Variants in ABCA13 observed in about 807,000 individuals in gnomAD.
The protein encoded by ABCA13 is ATP-binding cassette sub-family A member 13.
In ABCA13, 476 loss-of-function variants were observed where a neutral mutation model predicts 478.7. The ratio of observed to expected loss-of-function variants is 0.99; its 90% CI spans 0.92 to 1.07. The LOEUF is 1.07. ABCA13 is among the 50% of genes least tolerant of loss of function. ABCA13 has a pLI of 0.00. For synonymous variants in ABCA13, 2,252 were observed against 2,158.9 expected, an observed-to-expected ratio of 1.04 and a Z score of -1.20; for missense variants, 6,060 against 5,910.6, an observed-to-expected ratio of 1.03 and a Z score of -0.83.
chr7:48,613,529 G>A lies in ABCA13; in HGVS notation c.14745-1756G>A, dbSNP rs113537964. 8.4e-3 allele frequency among the ~76,000 whole-genome samples: 1,200 copies of A among 142,508 alleles called. 28 individuals carry two copies. The highest frequency in any genetic ancestry group is 0.028 in the African/African-American group (1,130 of 40,774). 93.5% of individuals were successfully genotyped at this position (142,508 alleles called of 152,430 possible). A position where few individuals can be genotyped will look rare whatever the true frequency, so the allele number is the denominator to read the frequency against. ...CTAGTTTGCTGTGTTAAGACACAAC[G>A]ACTACAAATCCCTTAATAGCTTCTT... On this transcript the variant is annotated intron_variant, in intron 58 of 61. Coordinates refer to ENST00000435803, the MANE Select transcript of ABCA13 (RefSeq NM_152701.5).
chr7:48,402,508 A>C (rs1278727817), intron 38 of ABCA13, among the ~76,000 whole-genome samples: 1 of 152,214 alleles, frequency 6.6e-6, no homozygotes, highest in Non-Finnish European at 1.5e-5. Flanking sequence ...AATTATTACT[A>C]TAAATTTAGG....
chr7:48,250,848 C>T (rs1792444976), intron 15 of ABCA13, among the ~76,000 whole-genome samples: 1 of 152,132 alleles, frequency 6.6e-6, no homozygotes. Context: ...GGTTTTCCAG[C>T]ATGCCATGAC....
At chr7:48,446,740 C>A (rs182295245) in intron 42 of ABCA13, among the ~76,000 whole-genome samples, 120 of 152,278 alleles carry the variant, frequency 7.9e-4, no homozygotes, top group African/African-American at 2.5e-3. Context: ...AGAGTGCTGT[C>A]TTTTCTTCTT....
intron 3 of ABCA13, among the ~76,000 whole-genome samples, chr7:48,211,288 G>A (rs917726603): frequency 8.5e-5 from 13 of 152,200 alleles, no homozygotes; most frequent in African/African-American, 2.9e-4. Flanking sequence ...GGGAATAAAT[G>A]TTGTGACCTA....
chr7:48,486,177 G>C (rs1200509108), intron 47 of ABCA13, among the ~76,000 whole-genome samples: 2 of 152,158 alleles, frequency 1.3e-5, no homozygotes, highest in African/African-American at 2.4e-5. Context: ...GGGAATGCCA[G>C]AATACTAGAG....
At chr7:48,352,587 C>T (rs1297363443) in intron 31 of ABCA13, 100 bp downstream of exon 31, 1 of 1,366,484 alleles carries the variant, frequency 7.3e-7, no homozygotes, top group African/African-American at 1.5e-5. Context: ...TTTCAAAAAG[C>T]ACTGTTAAAA....
chr7:48,356,011 C>T lies in ABCA13; in HGVS notation c.10688+3524C>T, dbSNP rs532122216. Among the ~76,000 whole-genome samples, 25 of 151,790 alleles carry T rather than the reference C, an allele frequency of 1.6e-4. No individual in the cohort carries two copies. The East Asian group carries it at 4.4e-3, about 27-fold the overall frequency. Reference sequence around the variant, plus strand: ...GTATAGATAGAAAAATAGAGAGGGCCGAGACCAAATGTGGGGCCCCTCCCA... The same window carrying T: ...GTATAGATAGAAAAATAGAGAGGGCTGAGACCAAATGTGGGGCCCCTCCCA... On this transcript the variant is annotated intron_variant, in intron 31 of 61. Coordinates refer to ENST00000435803, the MANE Select transcript of ABCA13 (RefSeq NM_152701.5).
chr7:48,314,400 G>A lies in ABCA13; in HGVS notation c.9850G>A (p.Glu3284Lys). ...TGACAAAGAAAAATTCAACATTCCT[G>A]AAGATTCAAGTAAGACAGTAGTAAT... is the stretch of plus-strand genomic sequence containing the variant. ...EDDKEKFNIP[E>K]DSTPFCLKLY... Residue 3284 changes from glutamate to lysine, a missense_variant, in exon 26 of 62, where the codon GAA becomes AAA. By Grantham distance (56) the Glu-to-Lys change is moderately conservative. This residue lies in a region of ABCA13 where 4,423 missense variants were observed against 4,309.1 expected (regional missense o/e 1.03). Coordinates refer to ENST00000435803, the MANE Select transcript of ABCA13 (RefSeq NM_152701.5). The A allele has an allele frequency of 1.9e-6, 3 of 1,587,068 alleles. No homozygotes were observed. The highest frequency in any genetic ancestry group is 2.6e-6 in the Non-Finnish European group (3 of 1,165,586).
intron 48 of ABCA13, among the ~76,000 whole-genome samples, chr7:48,490,455 C>T (rs6972440): frequency 0.14 from 20,890 of 152,136 alleles, 1,837 homozygotes; most frequent in African/African-American, 0.23. Flanking sequence ...GGGGCCATGA[C>T]TGGATTCTAG....
intron 55 of ABCA13, among the ~76,000 whole-genome samples, chr7:48,575,546 A>G (rs995993515): frequency 1.1e-4 from 17 of 152,332 alleles, no homozygotes; most frequent in Non-Finnish European, 1.6e-4. Flanking sequence ...GCTGCCAGTG[A>G]TAAACTTGAG....
chr7:48,275,687 A>G lies in ABCA13; in HGVS notation c.6021A>G (p.Gln2007=), dbSNP rs1348001935. ...CCTCAAATTTGGAAAGGACAGTACA[A>G]TTGATTTCTGAAGACTGGAGCCTAG... is the stretch of plus-strand genomic sequence containing the variant. The part of the protein sequence containing the change: ...IISSNLERTV[Q]LISEDWSLEK... The change falls in exon 17 of 62, where the codon CAA becomes CAG. Residue 2007 remains glutamine (Q), a synonymous_variant. Coordinates refer to ENST00000435803, the MANE Select transcript of ABCA13 (RefSeq NM_152701.5). 2 of 1,599,260 alleles carry G rather than the reference A, an allele frequency of 1.3e-6. No homozygotes were observed. Among genetic ancestry groups the G allele is most frequent in the Admixed American group, 3.5e-5 (2 of 57,340 alleles).
chr7:48,342,847 A>T (rs1377581258), intron 29 of ABCA13, among the ~76,000 whole-genome samples: 1 of 152,126 alleles, frequency 6.6e-6, no homozygotes, highest in Non-Finnish European at 1.5e-5. Flanking sequence ...AGCTGGGTCT[A>T]ATCTGCTATT....
intron 35 of ABCA13, among the ~76,000 whole-genome samples, chr7:48,382,943 G>A (rs1814626237): frequency 6.6e-6 from 1 of 152,100 alleles, no homozygotes; most frequent in African/African-American, 2.4e-5. Flanking sequence ...CAAGGGATAT[G>A]ATGTTCCAGA....
At chr7:48,555,311 T>A (rs572153724) in intron 55 of ABCA13, among the ~76,000 whole-genome samples, 1 of 151,978 alleles carries the variant, frequency 6.6e-6, no homozygotes, top group Admixed American at 6.6e-5. Context: ...TGATATATTG[T>A]CTGATGTGGG....
chr7:48,399,594 T>C (rs947617902), intron 38 of ABCA13, among the ~76,000 whole-genome samples: 1 of 152,166 alleles, frequency 6.6e-6, no homozygotes, highest in Admixed American at 6.5e-5. Flanking sequence ...AACTTGGTTG[T>C]GAGTAAATGG....
intron 42 of ABCA13, among the ~76,000 whole-genome samples, chr7:48,431,471 T>C (rs1162013670): frequency 3.3e-5 from 5 of 152,214 alleles, no homozygotes; most frequent in Admixed American, 3.3e-4. Flanking sequence ...TGTTCATCTG[T>C]TGTGATAGGT....
intron 55 of ABCA13, 111 bp downstream of exon 55, chr7:48,528,456 C>T: frequency 1.4e-6 from 1 of 720,500 alleles, no homozygotes; most frequent in Non-Finnish European, 2.1e-6. Flanking sequence ...TCATTTTCCT[C>T]CAAATTTACC....
chr7:48,294,770 A>G (rs1308209978), intron 20 of ABCA13, among the ~76,000 whole-genome samples: 1 of 152,164 alleles, frequency 6.6e-6, no homozygotes, highest in East Asian at 1.9e-4. Flanking sequence ...TGACTTTTAA[A>G]AAGTTTGACT....
In ABCA13 at chr7:48,346,730, T is replaced by C. The variant is rs1486479612; in HGVS notation, c.10205-3913T>C. Reference sequence around the variant, plus strand: ...TTACTTTTCACAGCAATTTCATGGGTAATTTTGCTTTTCTTATGCTACAGA... The same window carrying C: ...TTACTTTTCACAGCAATTTCATGGGCAATTTTGCTTTTCTTATGCTACAGA... On this transcript the variant is annotated intron_variant, in intron 29 of 61. Coordinates refer to ENST00000435803, the MANE Select transcript of ABCA13 (RefSeq NM_152701.5). Among the ~76,000 whole-genome samples, 3 of 152,346 alleles carry C rather than the reference T, an allele frequency of 2.0e-5. No individual in the cohort carries two copies. In the East Asian group the frequency reaches 5.8e-4, roughly 29 times the overall value.
Sources: gnomAD v4.1 joint callset for allele counts (sites outside exome capture counted in the v4.1 genomes callset) on GRCh38, gnomAD v4.1.1 for gene constraint, gnomAD v4.1.1 regional missense constraint, MANE v1.5 for transcripts, NCBI Gene and HGNC (gene_info 2026-07-23, HGNC 2026-07-21) for gene names.